Variants in SORBS3 observed in about 807,000 individuals in gnomAD.
The protein encoded by SORBS3 is vinexin.
Under a neutral mutation model 98.0 loss-of-function variants are expected in SORBS3, and 69 were observed. The observed-to-expected ratio is 0.70, with a 90% CI of 0.58 to 0.86. SORBS3 has a LOEUF of 0.86. Among genes scored for constraint, SORBS3 ranks in the 40% least tolerant of loss-of-function variants. SORBS3 has a pLI of 0.00. For synonymous variants in SORBS3, 394 were observed against 355.4 expected (o/e 1.11, Z -1.22); for missense variants, 954 against 908.5 (o/e 1.05, Z -0.64).
chr8:22,569,669 T>A (rs1840520703), intron 17 of SORBS3, among the ~76,000 whole-genome samples: 1 of 152,148 alleles, frequency 6.6e-6, no homozygotes, highest in African/African-American at 2.4e-5. Flanking sequence ...GAGTCCGATG[T>A]ACCTAGCTTC....
At chr8:22,570,798 C>A in intron 17 of SORBS3, 112 bp from the exon 18 acceptor site, 2 of 949,508 alleles carry the variant, frequency 2.1e-6, no homozygotes, top group Non-Finnish European at 3.1e-6. Flanking sequence ...CCCTGCGATT[C>A]CGACCCCTCG....
At chr8:22,560,869 G>GTA (rs1380421975) in intron 5 of SORBS3, 1 of 67,292 alleles carries the variant, frequency 1.5e-5, no homozygotes, top group Non-Finnish European at 2.8e-5. Context: ...GTGTGTGTGT[G>GTA]TGTGCGCGCG....
At chr8:22,566,050 G>A (rs76571317) in intron 12 of SORBS3, 178 bp downstream of exon 12, 59,335 of 551,450 alleles carry the variant, frequency 0.11, 3,759 homozygotes, top group Admixed American at 0.23. Context: ...CCGTTCCCGC[G>A]CCACCGAGGG....
At position 22,564,225 on chromosome 8, in the gene SORBS3, C is replaced by T. The variant is rs527725676; in HGVS notation, c.676-58C>T. ...GGGGCCTGCAAGCCTGCATTTTGAG[C>T]CTGGCCAGTGTCCCAGTAGCCCTCT... On this transcript the variant is annotated intron_variant, in intron 8 of 20. Transcript: ENST00000240123. The T allele has an allele frequency of 3.0e-5, 46 of 1,521,820 alleles. No individual in the cohort carries two copies. In the African/African-American group the frequency reaches 6.2e-4, roughly 21 times the overall value. The allele number at this position is 1,521,820 out of a possible 1,614,324, so 94.3% of individuals were successfully genotyped here.
In SORBS3 at chr8:22,554,359, G is replaced by A. The variant is rs566699791; in HGVS notation, c.-55-93G>A. On this transcript the variant is annotated intron_variant, in intron 1 of 20. Transcript: ENST00000240123. The surrounding 1 kb of genome is among the most constrained non-coding windows in gnomAD (Gnocchi z 6.5). ...CAGCTGGTCCTGACCCCCTCCCACAGCCGGCCCCTCCTCCCCTATCCCAGG... is the reference window on the plus strand; with the variant it reads ...CAGCTGGTCCTGACCCCCTCCCACAACCGGCCCCTCCTCCCCTATCCCAGG... 3.6e-5 allele frequency: 48 copies of A among 1,330,882 alleles called. No homozygotes were observed. The African/African-American group carries it at 6.2e-4, about 17-fold the overall frequency. 82.4% of individuals were successfully genotyped at this position (1,330,882 alleles called of 1,614,324 possible). A position where few individuals can be genotyped will look rare whatever the true frequency, so the allele number is the denominator to read the frequency against.
At chr8:22,557,121 G>A (rs1054794052) in intron 4 of SORBS3, among the ~76,000 whole-genome samples, 16 of 152,278 alleles carry the variant, frequency 1.1e-4, no homozygotes, top group African/African-American at 3.6e-4. Flanking sequence ...TGGTTTGTGC[G>A]GGGTACAGAT....
intron 10 of SORBS3, 36 bp from the exon 11 acceptor site, chr8:22,565,232 G>A (rs985692806): frequency 1.2e-5 from 18 of 1,524,470 alleles, no homozygotes; most frequent in Non-Finnish European, 1.5e-5. Context: ...CCCACGGTGC[G>A]CTGCCCCTCA....
At chr8:22,551,268 C>A (rs979744512), upstream of SORBS3, among the ~76,000 whole-genome samples, 1 of 152,132 alleles carries the variant, frequency 6.6e-6, no homozygotes, top group Non-Finnish European at 1.5e-5. This position sits in a 1 kb window ranked among gnomAD's most constrained non-coding sequence, Gnocchi z 5.8. Context: ...TGTTTGCACA[C>A]GACCGGCCGC....
In SORBS3 at chr8:22,564,357, G is replaced by A; in HGVS notation, c.750G>A (p.Glu250=). 1 of 1,614,072 alleles carries A rather than the reference G, an allele frequency of 6.2e-7. No homozygotes were observed. The change falls in exon 9 of 21, where the codon GAG becomes GAA. Residue 250 remains glutamate (E), a synonymous_variant. Coordinates refer to ENST00000240123, the MANE Select transcript of SORBS3 (RefSeq NM_005775.5). ...GGAACCAGTTTCTGCAGGAACTAGA[G>A]ACTGGGCAGAGGGTGAGTGCTGGCT... ...ESWNQFLQEL[E]TGQRPKKPLV...
intron 7 of SORBS3, 32 bp downstream of exon 7, chr8:22,561,963 G>A (rs759475374): frequency 6.2e-7 from 1 of 1,606,606 alleles, no homozygotes; most frequent in South Asian, 1.1e-5. Context: ...CGAGGGCTGC[G>A]GAGGGGCGCG....
At position 22,571,118 on chromosome 8, in the gene SORBS3, C is replaced by T; in HGVS notation, c.1640C>T (p.Ser547Leu). ...TCAGCCCGTCACCCCAGCTCCCCCT[C>T]AGCCCTGCGCAGCCCAGCTGACCCC... The part of the protein sequence containing the change: ...ARSARHPSSP[S>L]ALRSPADPID... Residue 547 changes from serine (S) to leucine (L), a missense_variant, in exon 18 of 21, where the codon TCA (serine) becomes TTA (leucine). Transcript: ENST00000240123. 6.2e-7 allele frequency: 1 copy of T among 1,606,770 alleles called. No individual in the cohort carries two copies. Among genetic ancestry groups the T allele is most frequent in the Non-Finnish European group, 8.5e-7 (1 of 1,178,132 alleles).
intron 4 of SORBS3, 84 bp downstream of exon 4, chr8:22,556,992 G>C: frequency 6.9e-7 from 1 of 1,458,620 alleles, no homozygotes; most frequent in Non-Finnish European, 9.4e-7. Context: ...AATGGGGGTG[G>C]GGCAATAAAG....
Position 22,556,873 on chromosome 8 carries a change from G to T in SORBS3, c.379G>T (p.Val127Leu), listed in dbSNP as rs778153814. Residue 127 changes from valine (V) to leucine (L), a missense_variant, in exon 4 of 21, where the codon GTG becomes TTG. Val to Leu is a conservative substitution (Grantham distance 32). Transcript: ENST00000240123. ...GGTCAAGTACGAGGGAATCGGGCCC[G>T]TGGACGAGAGCGGCATGCCCATTGC... ...RWVKYEGIGP[V>L]DESGMPIAPR... is the part of the protein sequence containing the mutation. The T allele has an allele frequency of 6.2e-7, 1 of 1,613,302 alleles. No homozygotes were observed. The highest frequency in any genetic ancestry group is 1.7e-5 in the Admixed American group (1 of 60,028).
intron 12 of SORBS3, 57 bp downstream of exon 12, chr8:22,565,929 C>A: frequency 8.7e-7 from 1 of 1,148,154 alleles, no homozygotes; most frequent in Non-Finnish European, 1.1e-6. Context: ...CGGGAGGGAA[C>A]GTGGCGCGGC....
exon 1 of SORBS3, chr8:22,545,010 G>C (rs1840002766): frequency 6.6e-6 from 1 of 152,196 alleles, no homozygotes; most frequent in Non-Finnish European, 1.5e-5. Context: ...GCAGAGGGAG[G>C]GTGAACCCAG....
At chr8:22,562,738 A>T (rs779288275) in intron 7 of SORBS3, among the ~76,000 whole-genome samples, 1 of 152,196 alleles carries the variant, frequency 6.6e-6, no homozygotes, top group Non-Finnish European at 1.5e-5. Context: ...TAATGCCCAG[A>T]GGGTTCAGTG....
At position 22,556,911 on chromosome 8, in the gene SORBS3, G is replaced by A. The variant is rs377362184; in HGVS notation, c.414+3G>A. The A allele has an allele frequency of 1.1e-4, 185 of 1,612,174 alleles. No homozygotes were observed. Among genetic ancestry groups the A allele is most frequent in the Non-Finnish European group, 1.5e-4 (182 of 1,180,026 alleles). ...GCATGCCCATTGCCCCCCGATCCGT[G>A]AGTCCAGGGCTGGGGGCCACGGAGA... On this transcript the variant is annotated splice_donor_region_variant and intron_variant, in intron 4 of 20. Transcript: ENST00000240123.
chr8:22,566,167 A>T, intron 12 of SORBS3, 178 bp from the exon 13 acceptor site: 1 of 865,758 alleles, frequency 1.2e-6, no homozygotes, highest in Non-Finnish European at 1.6e-6. Context: ...GCCGGGCCTC[A>T]CCCTTCCCCG....
rs191446024 is a variant in SORBS3, at chr8:22,563,818, G to C, written c.585-169G>C. On this transcript the variant is annotated intron_variant, in intron 7 of 20. Transcript: ENST00000240123. Reference sequence around the variant, plus strand: ...ACAGTAGAGCTGGAATTTAAGCTTGGAGCTCACACACTTCCACAGTTTAAT... The same window carrying C: ...ACAGTAGAGCTGGAATTTAAGCTTGCAGCTCACACACTTCCACAGTTTAAT... Among the ~76,000 whole-genome samples, 3 of 152,220 alleles carry C rather than the reference G, an allele frequency of 2.0e-5. No homozygotes were observed. In the East Asian group the frequency reaches 5.8e-4, roughly 29 times the overall value.
Sources: allele counts gnomAD v4.1 joint callset (sites outside exome capture counted in the v4.1 genomes callset), GRCh38; gene constraint gnomAD v4.1.1; non-coding constraint Gnocchi (gnomAD v3.1); transcripts MANE v1.5; gene names NCBI Gene and HGNC (gene_info 2026-07-23, HGNC 2026-07-21).